The following ARHGEF26 variants were observed in gnomAD, a reference collection of about 807,000 sequenced individuals.
ARHGEF26 encodes Rho guanine nucleotide exchange factor (GEF) 26.
Under a neutral mutation model 89.4 loss-of-function variants are expected in ARHGEF26, and 59 were observed. The ratio of observed to expected loss-of-function variants is 0.66; its 90% CI spans 0.54 to 0.82. The LOEUF (loss-of-function observed/expected upper bound fraction) is 0.82, where lower values mean the gene tolerates loss of function less well. ARHGEF26 is among the 40% of genes least tolerant of loss of function. ARHGEF26 has a pLI of 0.00. For synonymous variants in ARHGEF26, 500 were observed against 428.4 expected (o/e 1.17, Z -2.06); for missense variants, 1,234 against 1,085.6 (o/e 1.14, Z -1.92).
At chr3:154,147,389 C>T (rs914865466) in intron 4 of ARHGEF26, among the ~76,000 whole-genome samples, 3 of 152,030 alleles carry the variant, frequency 2.0e-5, no homozygotes, top group African/African-American at 7.2e-5. Context: ...CCAGTCTGAG[C>T]GACAGAGTGA....
At chr3:154,239,299 AGTGTGTGTGTGTGTGT>A (rs142191516) in intron 11 of ARHGEF26, among the ~76,000 whole-genome samples, 17 of 64,250 alleles carry the variant, frequency 2.6e-4, no homozygotes, top group East Asian at 5.7e-4. Context: ...AGAGAGAGAG[AGTGTGTGTGTGTGTGT>A]GTGTGTGTGT....
At chr3:154,196,792 G>A (rs1249496037) in intron 9 of ARHGEF26, among the ~76,000 whole-genome samples, 5 of 151,928 alleles carry the variant, frequency 3.3e-5, no homozygotes, top group Admixed American at 6.6e-5. Flanking sequence ...GGAGGGAAAC[G>A]GGGGAAGGTT....
intron 10 of ARHGEF26, among the ~76,000 whole-genome samples, chr3:154,219,598 AAAAAAG>A (rs1553749083): frequency 4.0e-5 from 6 of 151,466 alleles, no homozygotes; most frequent in Non-Finnish European, 8.8e-5. Context: ...CTTAAAAAAA[AAAAAAG>A]AAAAAGAAAA....
At chr3:154,151,452 G>A (rs777742985) in intron 5 of ARHGEF26, among the ~76,000 whole-genome samples, 2 of 152,232 alleles carry the variant, frequency 1.3e-5, no homozygotes, top group African/African-American at 2.4e-5. Context: ...CCAAGGCATC[G>A]TATACATCAA....
intron 6 of ARHGEF26, among the ~76,000 whole-genome samples, chr3:154,184,997 T>C (rs1010848270): frequency 1.3e-5 from 2 of 152,192 alleles, no homozygotes; most frequent in African/African-American, 4.8e-5. Context: ...CACTGCCCAT[T>C]GTGCTTTGCT....
intron 6 of ARHGEF26, among the ~76,000 whole-genome samples, chr3:154,183,635 T>C (rs1713317237): frequency 1.3e-5 from 2 of 152,246 alleles, no homozygotes; most frequent in African/African-American, 4.8e-5. Context: ...AAATAACTAA[T>C]AGATCATTTA....
chr3:154,177,965 G>C (rs1417771004), intron 6 of ARHGEF26, among the ~76,000 whole-genome samples: 3 of 152,128 alleles, frequency 2.0e-5, no homozygotes, highest in Non-Finnish European at 4.4e-5. Flanking sequence ...CAGCACTTTG[G>C]GAGGCCGAGG....
chr3:154,257,128 C>G lies in ARHGEF26; in HGVS notation c.*1655C>G. 1.1e-6 allele frequency: 1 copy of G among 916,766 alleles called. No individual in the cohort carries two copies. The highest frequency in any genetic ancestry group is 2.0e-5 in the South Asian group (1 of 49,710). 56.8% of individuals were successfully genotyped at this position (916,766 alleles called of 1,614,324 possible). A position where few individuals can be genotyped will look rare whatever the true frequency, so the allele number is the denominator to read the frequency against. ...AGTTGAGGGGTAAGTGTGCCTGGCT[C>G]ACACAGCCTGCACCCTGTCACCTCG... On this transcript the variant is annotated 3_prime_UTR_variant, in exon 15 of 15. Coordinates refer to ENST00000465093, the MANE Select transcript of ARHGEF26 (RefSeq NM_015595.4).
chr3:154,137,064 G>A (rs1719052436), intron 4 of ARHGEF26, among the ~76,000 whole-genome samples: 1 of 152,182 alleles, frequency 6.6e-6, no homozygotes, highest in African/African-American at 2.4e-5. Flanking sequence ...CTAGACCTGA[G>A]ATCCATGGTT....
intron 4 of ARHGEF26, among the ~76,000 whole-genome samples, chr3:154,132,362 T>C (rs1006584209): frequency 2.0e-5 from 3 of 152,176 alleles, no homozygotes; most frequent in Non-Finnish European, 2.9e-5. Context: ...CCAGTTCTTT[T>C]CTCCTTCCTA....
chr3:154,228,786 C>T (rs999046966), intron 11 of ARHGEF26, among the ~76,000 whole-genome samples: 1 of 152,150 alleles, frequency 6.6e-6, no homozygotes, highest in African/African-American at 2.4e-5. Context: ...AAAGGAGATA[C>T]AACAACCCTG....
intron 5 of ARHGEF26, 50 bp downstream of exon 5, chr3:154,149,495 G>C: frequency 6.7e-7 from 1 of 1,502,666 alleles, no homozygotes; most frequent in Non-Finnish European, 9.0e-7. Flanking sequence ...GTGCATGTCG[G>C]TGTCTGCTTT....
chr3:154,132,909 T>C (rs1378702770), intron 4 of ARHGEF26, among the ~76,000 whole-genome samples: 3 of 152,132 alleles, frequency 2.0e-5, no homozygotes, highest in Non-Finnish European at 4.4e-5. Context: ...AATGCAAAAC[T>C]CTTCTTAAAG....
chr3:154,165,986 G>A lies in ARHGEF26; in HGVS notation c.1487+13054G>A, dbSNP rs551411988. On this transcript the variant is annotated intron_variant, in intron 6 of 14. Coordinates refer to ENST00000465093, the MANE Select transcript of ARHGEF26 (RefSeq NM_015595.4). ...GTCTGGATGTAGTGAAAGCCTCCTG[G>A]GGATGGTTTGAAAAAATCTAGCTGT... Among the ~76,000 whole-genome samples the A allele has an allele frequency of 2.6e-5, 4 of 152,124 alleles. No homozygotes were observed. The East Asian group carries it at 7.7e-4, about 29-fold the overall frequency.
intron 11 of ARHGEF26, among the ~76,000 whole-genome samples, chr3:154,226,293 A>G (rs1716484284): frequency 6.6e-6 from 1 of 152,200 alleles, no homozygotes; most frequent in Non-Finnish European, 1.5e-5. Flanking sequence ...CTGAGAAGGT[A>G]GCACTGTTTT....
At chr3:154,180,427 G>A (rs1207635208) in intron 6 of ARHGEF26, among the ~76,000 whole-genome samples, 2 of 151,462 alleles carry the variant, frequency 1.3e-5, no homozygotes, top group Non-Finnish European at 2.9e-5. Context: ...TCCTCACAAT[G>A]ATTACGCTAA....
At chr3:154,207,485 A>T (rs1217302328) in intron 9 of ARHGEF26, among the ~76,000 whole-genome samples, 1 of 152,238 alleles carries the variant, frequency 6.6e-6, no homozygotes, top group East Asian at 1.9e-4. Context: ...TGCAGCCAAC[A>T]AACATATAAA....
Position 154,122,042 on chromosome 3 carries a change from T to C in ARHGEF26, c.50T>C (p.Leu17Ser), listed in dbSNP as rs1198834616. ...VDFSSNSITP[L>S]WRRRSIPQPH... is the part of the protein sequence containing the mutation. ...TTTTCTAGCAACAGCATAACCCCTT[T>C]GTGGCGGAGGCGGTCGATTCCTCAG... Residue 17 changes from leucine to serine, a missense_variant, in exon 2 of 15, where the codon TTG becomes TCG. Coordinates refer to ENST00000465093, the MANE Select transcript of ARHGEF26 (RefSeq NM_015595.4). 6.2e-7 allele frequency: 1 copy of C among 1,611,680 alleles called. No individual in the cohort carries two copies. The highest frequency in any genetic ancestry group is 8.5e-7 in the Non-Finnish European group (1 of 1,178,140).
intron 9 of ARHGEF26, among the ~76,000 whole-genome samples, chr3:154,201,773 C>T (rs1208904709): frequency 6.6e-6 from 1 of 152,180 alleles, no homozygotes; most frequent in South Asian, 2.1e-4. Flanking sequence ...AGCATTTTTT[C>T]ATGTGTCTTT....
Sources: allele counts gnomAD v4.1 joint callset (sites outside exome capture counted in the v4.1 genomes callset), GRCh38; gene constraint gnomAD v4.1.1; transcripts MANE v1.5; gene names NCBI Gene and HGNC (gene_info 2026-07-23, HGNC 2026-07-21).